SUMF1: variants seen among roughly 807,000 people sequenced by gnomAD.
SUMF1 encodes the protein sulfatase modifying factor 1, also known as formylglycine-generating enzyme.
A neutral mutation model predicts 47.6 loss-of-function variants in SUMF1; 48 were observed. The observed-to-expected ratio is 1.01, with a 90% CI of 0.80 to 1.28. The LOEUF (loss-of-function observed/expected upper bound fraction) is 1.28. Ranked by LOEUF, SUMF1 falls within the 50% of genes most tolerant of loss-of-function variation. The pLI is 0.00. For missense variants in SUMF1, 571 were observed against 485.4 expected (o/e 1.18, Z -1.66); for synonymous variants, 230 against 192.1 (o/e 1.20, Z -1.63).
chr3:4,264,181 A>G (rs1697142295), intron 8 of SUMF1, among the ~76,000 whole-genome samples: 1 of 152,150 alleles, frequency 6.6e-6, no homozygotes, highest in Non-Finnish European at 1.5e-5. Flanking sequence ...AGAGTTAAAA[A>G]TAAAGCTCCC....
chr3:4,290,696 T>C (rs750894312), intron 8 of SUMF1, among the ~76,000 whole-genome samples: 2 of 152,160 alleles, frequency 1.3e-5, no homozygotes, highest in Non-Finnish European at 2.9e-5. Flanking sequence ...TGCTGCCTTA[T>C]CTGGTTCTTC....
In SUMF1 at chr3:4,350,347, GTGTGTGTATAAT is replaced by G. The variant is rs756160010; in HGVS notation, c.1014+25971_1014+25982del. The stretch of plus-strand genomic sequence containing the variant: ...TGTGTATATGCGTGTGTGTGTGTGT[GTGTGTGTATAAT>G]TGTGTGTGTATAATTGTGTGTGTAT... On this transcript the variant is annotated intron_variant and NMD_transcript_variant, in intron 8 of 12. Coordinates refer to the SUMF1 transcript ENST00000448413. 8.7e-3 allele frequency among the ~76,000 whole-genome samples: 555 copies of G among 63,442 alleles called. 1 individual carries two copies. Among genetic ancestry groups the G allele is most frequent in the East Asian group, 0.035 (18 of 516 alleles). 41.6% of individuals were successfully genotyped at this position (63,442 alleles called of 152,430 possible). A position where few individuals can be genotyped will look rare whatever the true frequency, so the allele number is the denominator to read the frequency against.
intron 8 of SUMF1, among the ~76,000 whole-genome samples, chr3:4,318,013 G>T (rs949045549): frequency 1.3e-5 from 2 of 152,060 alleles, no homozygotes; most frequent in African/African-American, 2.4e-5. Context: ...AGCAAGAGAG[G>T]TTCCTGCCCT....
rs17039723 is a variant in SUMF1, at chr3:4,037,298, C to T, written c.1191+31271G>A. Reference sequence around the variant, plus strand: ...CCCTTCCTTCTCATTCTGACATCACCGCCTCCTTCCTTCAACTTCTATAGT... The same window carrying T: ...CCCTTCCTTCTCATTCTGACATCACTGCCTCCTTCCTTCAACTTCTATAGT... On this transcript the variant is annotated intron_variant and NMD_transcript_variant, in intron 9 of 12. Transcript: ENST00000448413. Among the ~76,000 whole-genome samples, 1,001 of 152,036 alleles carry T rather than the reference C, an allele frequency of 6.6e-3. 18 individuals carry two copies. Among genetic ancestry groups the T allele is most frequent in the African/African-American group, 0.023 (964 of 41,468 alleles).
chr3:4,089,527 C>T (rs897442147), intron 8 of SUMF1, among the ~76,000 whole-genome samples: 1 of 152,086 alleles, frequency 6.6e-6, no homozygotes, highest in East Asian at 1.9e-4. Flanking sequence ...TGTCTATTTT[C>T]CCAATGCCTT....
At chr3:4,434,491 T>A (rs946383998) in intron 3 of SUMF1, among the ~76,000 whole-genome samples, 7 of 152,072 alleles carry the variant, frequency 4.6e-5, no homozygotes, top group African/African-American at 1.7e-4. Flanking sequence ...GTAAAGGAAA[T>A]TTAACTTAAT....
At chr3:4,367,659 C>T (rs1365398939) in intron 8 of SUMF1, among the ~76,000 whole-genome samples, 4 of 152,132 alleles carry the variant, frequency 2.6e-5, no homozygotes, top group African/African-American at 7.2e-5. Flanking sequence ...TGGAACAGAA[C>T]AGAGCCCTCA....
At chr3:4,072,818 A>G (rs1193736210) in intron 8 of SUMF1, among the ~76,000 whole-genome samples, 1 of 152,212 alleles carries the variant, frequency 6.6e-6, no homozygotes, top group Non-Finnish European at 1.5e-5. Context: ...AAAGCCTCCA[A>G]GAAATATGGG....
At chr3:4,373,763 ATAAAC>A (rs1700239545) in intron 8 of SUMF1, among the ~76,000 whole-genome samples, 2 of 151,582 alleles carry the variant, frequency 1.3e-5, no homozygotes, top group African/African-American at 4.9e-5. Context: ...AAAACACAGA[ATAAAC>A]TAGATTCAAA....
intron 8 of SUMF1, among the ~76,000 whole-genome samples, chr3:4,297,248 A>T (rs1697871677): frequency 1.3e-5 from 2 of 152,156 alleles, no homozygotes; most frequent in South Asian, 4.1e-4. Flanking sequence ...GAGGGATGGC[A>T]TGTTCTCACA....
At chr3:4,389,890 T>C (rs1430597890) in intron 7 of SUMF1, among the ~76,000 whole-genome samples, 1 of 152,240 alleles carries the variant, frequency 6.6e-6, no homozygotes, top group Non-Finnish European at 1.5e-5. Context: ...AGTTGCTCAC[T>C]GATTTCTTTT....
intron 8 of SUMF1, among the ~76,000 whole-genome samples, chr3:4,251,137 G>C (rs1301089595): frequency 6.6e-6 from 1 of 152,176 alleles, no homozygotes; most frequent in Non-Finnish European, 1.5e-5. Context: ...ATGATGCATG[G>C]AAGTCAAAAT....
chr3:4,130,332 A>G (rs1693757793), intron 8 of SUMF1, among the ~76,000 whole-genome samples: 2 of 152,270 alleles, frequency 1.3e-5, no homozygotes, highest in African/African-American at 4.8e-5. Context: ...TCCTGTCCAT[A>G]AGGCCCACCA....
intron 9 of SUMF1, among the ~76,000 whole-genome samples, chr3:4,067,093 A>C (rs1695396512): frequency 6.6e-6 from 1 of 152,156 alleles, no homozygotes; most frequent in Non-Finnish European, 1.5e-5. Flanking sequence ...TGGTCCAGCT[A>C]CATAAGGAGC....
intron 8 of SUMF1, chr3:4,316,142 C>T (rs113151330): frequency 0.11 from 67,775 of 613,232 alleles, 4,351 homozygotes; most frequent in Non-Finnish European, 0.13. Context: ...ATGTTATACA[C>T]CATTTTAATG....
intron 8 of SUMF1, among the ~76,000 whole-genome samples, chr3:4,272,217 A>C (rs556068563): frequency 2.6e-5 from 4 of 152,346 alleles, no homozygotes; most frequent in African/African-American, 9.6e-5. Context: ...TGGTTTCCTG[A>C]GAGATGAACA....
intron 1 of SUMF1, among the ~76,000 whole-genome samples, chr3:4,457,096 T>A (rs192992966): frequency 0.012 from 1,435 of 120,856 alleles, 27 homozygotes; most frequent in East Asian, 0.063. Context: ...ATATATATAT[T>A]TTTTTTGTTT....
intron 7 of SUMF1, among the ~76,000 whole-genome samples, chr3:4,404,344 T>G (rs746947446): frequency 6.6e-6 from 1 of 152,232 alleles, no homozygotes; most frequent in African/African-American, 2.4e-5. Flanking sequence ...AACTTGTAGC[T>G]GTATTAAATT....
chr3:4,051,373 G>A (rs776041437), intron 9 of SUMF1, among the ~76,000 whole-genome samples: 1 of 152,120 alleles, frequency 6.6e-6, no homozygotes, highest in Non-Finnish European at 1.5e-5. Context: ...ACAGGACAAA[G>A]AGCCCCAAGA....
Sources: allele counts gnomAD v4.1 joint callset (sites outside exome capture counted in the v4.1 genomes callset), GRCh38; gene constraint gnomAD v4.1.1; transcripts MANE v1.5; gene names NCBI Gene and HGNC (gene_info 2026-07-23, HGNC 2026-07-21).